Variants in SYT2 observed in about 807,000 individuals in gnomAD.
The protein encoded by SYT2 is synaptotagmin-2.
SYT2 carries 15 observed loss-of-function variants against 39.9 expected under a neutral mutation model. That is an observed-to-expected ratio of 0.38 (90% CI 0.25 to 0.58). The LOEUF is 0.58. Ranked by LOEUF, SYT2 falls within the 20% of genes least tolerant of loss-of-function variation. The probability of loss-of-function intolerance (pLI) is 0.70; values close to 1 mark genes in which losing one functional copy is unlikely to be tolerated. For missense variants in SYT2, 389 were observed against 530.3 expected (o/e 0.73, Z 2.62); for synonymous variants, 181 against 204.5 (o/e 0.89, Z 0.98).
At chr1:202,642,780 G>A (rs746864213) in intron 1 of SYT2, among the ~76,000 whole-genome samples, 25 of 152,186 alleles carry the variant, frequency 1.6e-4, no homozygotes, top group Non-Finnish European at 2.6e-4. Flanking sequence ...CCTCCTCAGC[G>A]AGGCAGGCGC....
chr1:202,628,312 C>T lies in SYT2; in HGVS notation c.-17-22523G>A, dbSNP rs1691475827. On this transcript the variant is annotated intron_variant, in intron 1 of 8. Coordinates refer to ENST00000367268, the MANE Select transcript of SYT2 (RefSeq NM_177402.5). The surrounding 1 kb of genome is among the most constrained non-coding windows in gnomAD (Gnocchi z 4.2). ...GCAGAGCAGCTCGCTTTGGGCCACACCAGGACCTGGGAGAGGTCATGAGAT... is the reference window on the plus strand; with the variant it reads ...GCAGAGCAGCTCGCTTTGGGCCACATCAGGACCTGGGAGAGGTCATGAGAT... 6.6e-6 allele frequency among the ~76,000 whole-genome samples: 1 copy of T among 152,142 alleles called. No individual in the cohort carries two copies. The highest frequency in any genetic ancestry group is 1.5e-5 in the Non-Finnish European group (1 of 68,020).
chr1:202,598,169 G>C (rs1690367324), intron 8 of SYT2, among the ~76,000 whole-genome samples: 1 of 152,156 alleles, frequency 6.6e-6, no homozygotes, highest in Non-Finnish European at 1.5e-5. Context: ...AATGAGAAAG[G>C]AAAAAGGAAA....
chr1:202,709,492 G>A (rs1654338033), intron 1 of SYT2, among the ~76,000 whole-genome samples: 1 of 152,146 alleles, frequency 6.6e-6, no homozygotes, highest in Non-Finnish European at 1.5e-5. Flanking sequence ...GGGGAAGGGG[G>A]CACCCCAAAT....
At chr1:202,698,673 G>A (rs558383757) in intron 1 of SYT2, among the ~76,000 whole-genome samples, 6 of 152,190 alleles carry the variant, frequency 3.9e-5, no homozygotes, top group South Asian at 4.2e-4. Context: ...TATGTACACC[G>A]ACCCCCAGAC....
At chr1:202,708,575 A>G (rs113520090) in intron 1 of SYT2, among the ~76,000 whole-genome samples, 1,948 of 152,026 alleles carry the variant, frequency 0.013, 37 homozygotes, top group African/African-American at 0.044. Flanking sequence ...GGCACTGGCC[A>G]TTTTCCAGGG....
At position 202,596,107 on chromosome 1, in the gene SYT2, GAGA is replaced by G. The variant is rs1348561599; in HGVS notation, c.*647_*649del. ...GATCCTGAGACTTTGCCATAGATGAGAGAAGATCTCCCACTTAGTGGACTTCTT... is the reference window on the plus strand; with the variant it reads ...GATCCTGAGACTTTGCCATAGATGAGAGATCTCCCACTTAGTGGACTTCTT... On this transcript the variant is annotated 3_prime_UTR_variant, in exon 9 of 9. Transcript: ENST00000367268. 2 of 152,120 alleles carry G rather than the reference GAGA, an allele frequency of 1.3e-5. No individual in the cohort carries two copies. Among genetic ancestry groups the G allele is most frequent in the African/African-American group, 4.8e-5 (2 of 41,394 alleles). 9.4% of individuals were successfully genotyped at this position (152,120 alleles called of 1,614,324 possible). A position where few individuals can be genotyped will look rare whatever the true frequency, so the allele number is the denominator to read the frequency against.
At chr1:202,627,287 G>A (rs1283151913) in intron 1 of SYT2, among the ~76,000 whole-genome samples, 3 of 152,178 alleles carry the variant, frequency 2.0e-5, no homozygotes, top group Non-Finnish European at 1.5e-5. Context: ...CCTTGTTTAC[G>A]ACTGCATTTC....
At chr1:202,701,131 G>A (rs1654111135) in intron 1 of SYT2, among the ~76,000 whole-genome samples, 1 of 152,172 alleles carries the variant, frequency 6.6e-6, no homozygotes, top group African/African-American at 2.4e-5. Context: ...AGTAATATGT[G>A]TGAGTTTTCC....
intron 1 of SYT2, among the ~76,000 whole-genome samples, chr1:202,653,125 G>A (rs766562929): frequency 6.6e-6 from 1 of 151,840 alleles, no homozygotes; most frequent in African/African-American, 2.4e-5. Context: ...AGAAAATCTC[G>A]ATTGTCACTC....
At chr1:202,659,246 T>C (rs1692336241) in intron 1 of SYT2, among the ~76,000 whole-genome samples, 1 of 152,238 alleles carries the variant, frequency 6.6e-6, no homozygotes, top group Non-Finnish European at 1.5e-5. Flanking sequence ...CGTGTTCTTC[T>C]GATCTTGGGT....
At chr1:202,639,172 T>G (rs776919100) in intron 1 of SYT2, among the ~76,000 whole-genome samples, 1 of 152,190 alleles carries the variant, frequency 6.6e-6, no homozygotes, top group Non-Finnish European at 1.5e-5. Context: ...GGTCACCTTA[T>G]GCTAGTTCTT....
intron 1 of SYT2, among the ~76,000 whole-genome samples, chr1:202,702,681 G>A (rs990974101): frequency 6.6e-6 from 1 of 152,136 alleles, no homozygotes; most frequent in African/African-American, 2.4e-5. Context: ...CTGCTTGCAG[G>A]CCTCCACCCC....
chr1:202,666,536 C>T (rs1572667250), intron 1 of SYT2, among the ~76,000 whole-genome samples: 1 of 152,148 alleles, frequency 6.6e-6, no homozygotes, highest in African/African-American at 2.4e-5. Context: ...ACAATCTCTC[C>T]GTGATAAACA....
Position 202,655,271 on chromosome 1 carries a change from G to A in SYT2, c.-17-49482C>T, listed in dbSNP as rs538452267. On this transcript the variant is annotated intron_variant, in intron 1 of 8. Coordinates refer to ENST00000367268, the MANE Select transcript of SYT2 (RefSeq NM_177402.5). ...GGCCATTTCGGACAGCAGGAGATGC[G>A]AGCCCAGGACAGGCCTTGAGGAAGC... Among the ~76,000 whole-genome samples, 3 of 152,248 alleles carry A rather than the reference G, an allele frequency of 2.0e-5. No homozygotes were observed. The South Asian group carries it at 6.2e-4, about 32-fold the overall frequency.
chr1:202,642,068 C>G (rs571919701), intron 1 of SYT2, among the ~76,000 whole-genome samples: 3 of 152,166 alleles, frequency 2.0e-5, no homozygotes, highest in Non-Finnish European at 4.4e-5. Context: ...TGGGCAACAC[C>G]TGCAGGGTGT....
intron 1 of SYT2, among the ~76,000 whole-genome samples, chr1:202,673,924 T>C (rs1653246203): frequency 6.6e-6 from 1 of 152,168 alleles, no homozygotes; most frequent in Admixed American, 6.5e-5. Flanking sequence ...CAGTGACAGT[T>C]GGCTGGTTCT....
chr1:202,679,482 GA>G (rs968605915), intron 1 of SYT2, among the ~76,000 whole-genome samples: 3 of 152,192 alleles, frequency 2.0e-5, no homozygotes, highest in Non-Finnish European at 4.4e-5. Flanking sequence ...CGGAGGCTTA[GA>G]AATCATCACA....
intron 1 of SYT2, among the ~76,000 whole-genome samples, chr1:202,636,232 G>A (rs1691736827): frequency 6.6e-6 from 1 of 152,120 alleles, no homozygotes; most frequent in Admixed American, 6.5e-5. Flanking sequence ...GTGAAATAAG[G>A]AACAGAAAAT....
At chr1:202,627,130 G>A (rs779416444) in intron 1 of SYT2, among the ~76,000 whole-genome samples, 11 of 152,212 alleles carry the variant, frequency 7.2e-5, no homozygotes, top group African/African-American at 2.4e-4. Flanking sequence ...GAGGTTGTGC[G>A]GCTGGGGAGC....
Sources: gnomAD v4.1 joint callset for allele counts (sites outside exome capture counted in the v4.1 genomes callset) on GRCh38, gnomAD v4.1.1 for gene constraint, Gnocchi (gnomAD v3.1) non-coding constraint, MANE v1.5 for transcripts, NCBI Gene and HGNC (gene_info 2026-07-23, HGNC 2026-07-21) for gene names.